NUDT14: variants seen among roughly 807,000 people sequenced by gnomAD.
The protein encoded by NUDT14 is nudix hydrolase 14, also known as uridine diphosphate glucose pyrophosphatase NUDT14.
A neutral mutation model predicts 17.5 loss-of-function variants in NUDT14; 22 were observed. The observed-to-expected ratio is 1.26, with a 90% CI of 0.90 to 1.80. The LOEUF (loss-of-function observed/expected upper bound fraction) is 1.80, where lower values mean the gene tolerates loss of function less well. Ranked by LOEUF, NUDT14 falls within the 40% of genes most tolerant of loss-of-function variation. The pLI, the probability that NUDT14 is intolerant of heterozygous loss-of-function variation, is 0.00. For missense variants in NUDT14, 296 were observed against 295.6 expected, an observed-to-expected ratio of 1.00 and a Z score of -0.01; for synonymous variants, 129 against 125.8, an observed-to-expected ratio of 1.03 and a Z score of -0.17.
intron 4 of NUDT14, among the ~76,000 whole-genome samples, chr14:105,174,922 A>G (rs1044109277): frequency 6.6e-6 from 1 of 152,166 alleles, no homozygotes; most frequent in African/African-American, 2.4e-5. Flanking sequence ...GGGTGGGTGA[A>G]CTTTGCTGTC....
Position 105,176,947 on chromosome 14 carries a change from C to T in NUDT14, c.190+16G>A. The T allele has an allele frequency of 6.2e-7, 1 of 1,610,656 alleles. No individual in the cohort carries two copies. The highest frequency in any genetic ancestry group is 8.5e-7 in the Non-Finnish European group (1 of 1,178,912). On this transcript the variant is annotated intron_variant, in intron 3 of 4. Coordinates refer to ENST00000392568, the MANE Select transcript of NUDT14 (RefSeq NM_177533.5). ...GGTGACCCTGCAGATCCCCTTCCCA[C>T]CCCAGCTGGCCTCACCTGGCCGGAA...
intron 4 of NUDT14, 67 bp downstream of exon 4, chr14:105,176,467 G>C: frequency 7.8e-7 from 1 of 1,285,616 alleles, no homozygotes; most frequent in Non-Finnish European, 1.1e-6. Flanking sequence ...CACTCCCAGG[G>C]ACGGGGCCCT....
At chr14:105,179,497 C>T (rs1486848643) in intron 1 of NUDT14, among the ~76,000 whole-genome samples, 2 of 152,344 alleles carry the variant, frequency 1.3e-5, no homozygotes, top group East Asian at 1.9e-4. Context: ...AGAGCTGTGC[C>T]GGCGGGCTGC....
Position 105,181,119 on chromosome 14 carries a change from G to T in NUDT14, c.81+10C>A. 2 of 1,029,926 alleles carry T rather than the reference G, an allele frequency of 1.9e-6. No individual in the cohort carries two copies. Among genetic ancestry groups the T allele is most frequent in the Non-Finnish European group, 2.4e-6 (2 of 849,174 alleles). The allele number at this position is 1,029,926 out of a possible 1,614,324, so 63.8% of individuals were successfully genotyped here. On this transcript the variant is annotated intron_variant, in intron 1 of 4. Transcript: ENST00000392568. The surrounding 1 kb of genome is among the most constrained non-coding windows in gnomAD (Gnocchi z 5.0). ...GCGGGGGCGCGGGGGACGCGGGGGC[G>T]CGGGCTCACCTGGCGGTAATGCAGC... is the stretch of plus-strand genomic sequence containing the variant.
chr14:105,175,753 T>C, intron 4 of NUDT14: 1 of 1,006,420 alleles, frequency 9.9e-7, no homozygotes, highest in Non-Finnish European at 1.2e-6. Context: ...GCCAGGAACG[T>C]GCCCAGGTGA....
chr14:105,174,652 T>C (rs1401334301), intron 4 of NUDT14, among the ~76,000 whole-genome samples: 1 of 152,076 alleles, frequency 6.6e-6, no homozygotes, highest in Non-Finnish European at 1.5e-5. Flanking sequence ...CGGCTGCGCC[T>C]CTGAGGGAAG....
At chr14:105,177,154 C>A in intron 2 of NUDT14, 127 bp from the exon 3 acceptor site, 2 of 851,198 alleles carry the variant, frequency 2.3e-6, no homozygotes, top group Non-Finnish European at 1.9e-6. Context: ...AGGTCAGGCC[C>A]CTTGCTCAGA....
rs1031550277 is a variant in NUDT14, at chr14:105,177,802, G to T, written c.82-67C>A. The T allele has an allele frequency of 5.3e-6, 8 of 1,500,080 alleles. No individual in the cohort carries two copies. The African/African-American group carries it at 1.1e-4, about 21-fold the overall frequency. 92.9% of individuals were successfully genotyped at this position (1,500,080 alleles called of 1,614,324 possible). A position where few individuals can be genotyped will look rare whatever the true frequency, so the allele number is the denominator to read the frequency against. Reference sequence around the variant, plus strand: ...CGGAGGTGCTCGGGGAACCGAGGAGGCCACAGACCCATTGCACCCACTCCT... The same window carrying T: ...CGGAGGTGCTCGGGGAACCGAGGAGTCCACAGACCCATTGCACCCACTCCT... On this transcript the variant is annotated intron_variant, in intron 1 of 4. Transcript: ENST00000392568.
At chr14:105,177,904 C>T (rs1018304442) in intron 1 of NUDT14, 169 bp from the exon 2 acceptor site, 27 of 617,266 alleles carry the variant, frequency 4.4e-5, no homozygotes, top group Admixed American at 1.2e-4. Context: ...GAGCAAGCAG[C>T]CTGGGAGGGG....
rs1348066453 is a variant in NUDT14 at position 105,173,374 on chromosome 14, T to C, written c.429-113A>G. 1.6e-6 allele frequency: 2 copies of C among 1,221,222 alleles called. No individual in the cohort carries two copies. Among genetic ancestry groups the C allele is most frequent in the Non-Finnish European group, 2.1e-6 (2 of 944,106 alleles). The allele number at this position is 1,221,222 out of a possible 1,614,324, so 75.6% of individuals were successfully genotyped here. ...CACTCTGCTCCCTCCAGCCCTCCAGTAGGCAGGACTCTGGGATGCCCTCTC... is the reference window on the plus strand; with the variant it reads ...CACTCTGCTCCCTCCAGCCCTCCAGCAGGCAGGACTCTGGGATGCCCTCTC... On this transcript the variant is annotated intron_variant, in intron 4 of 4. Transcript: ENST00000392568. This position sits in a 1 kb window ranked among gnomAD's most constrained non-coding sequence, Gnocchi z 4.7.
chr14:105,173,284 C>G lies in NUDT14; in HGVS notation c.429-23G>C. The G allele has an allele frequency of 2.0e-6, 3 of 1,491,802 alleles. No homozygotes were observed. Among genetic ancestry groups the G allele is most frequent in the Non-Finnish European group, 2.7e-6 (3 of 1,120,362 alleles). The allele number at this position is 1,491,802 out of a possible 1,614,324, so 92.4% of individuals were successfully genotyped here. A position where few individuals can be genotyped will look rare whatever the true frequency, so the allele number is the denominator to read the frequency against. On this transcript the variant is annotated intron_variant, in intron 4 of 4. Coordinates refer to ENST00000392568, the MANE Select transcript of NUDT14 (RefSeq NM_177533.5). The surrounding 1 kb of genome is among the most constrained non-coding windows in gnomAD (Gnocchi z 4.7). ...GACCTACGGGTTGAGACAGGGTCTG[C>G]TGAGTCACCCACGCTGGCCCCGCTG...
intron 4 of NUDT14, 129 bp downstream of exon 4, chr14:105,176,405 A>T (rs912159497): frequency 8.5e-6 from 7 of 823,214 alleles, no homozygotes; most frequent in Non-Finnish European, 1.4e-5. Flanking sequence ...ATTCGGTCCA[A>T]CCCTCCCCTA....
At chr14:105,178,622 G>A (rs1449702150) in intron 1 of NUDT14, among the ~76,000 whole-genome samples, 3 of 152,130 alleles carry the variant, frequency 2.0e-5, no homozygotes, top group African/African-American at 4.8e-5. Flanking sequence ...TCCCATCTCC[G>A]GCACGCTCAG....
At chr14:105,180,179 C>G (rs1396549863) in intron 1 of NUDT14, among the ~76,000 whole-genome samples, 2 of 152,200 alleles carry the variant, frequency 1.3e-5, no homozygotes, top group Non-Finnish European at 2.9e-5. Flanking sequence ...GGCAGCAGCT[C>G]CTTCACCCAA....
rs587648171 is a variant in NUDT14 at position 105,178,865 on chromosome 14, G to T, written c.82-1130C>A. ...CCTCTGAGCTTGGCCGGGAGGCAAA[G>T]GCGTCCTGGGAGGAGAGTACCGGTT... On this transcript the variant is annotated intron_variant, in intron 1 of 4. Coordinates refer to ENST00000392568, the MANE Select transcript of NUDT14 (RefSeq NM_177533.5). Among the ~76,000 whole-genome samples, 38 of 152,310 alleles carry T rather than the reference G, an allele frequency of 2.5e-4. No homozygotes were observed. The South Asian group carries it at 7.9e-3, about 32-fold the overall frequency.
intron 1 of NUDT14, among the ~76,000 whole-genome samples, chr14:105,180,491 C>T (rs1479894090): frequency 1.3e-5 from 2 of 152,172 alleles, no homozygotes; most frequent in African/African-American, 4.8e-5. Flanking sequence ...CAAAATATTC[C>T]TTGTGAACCT....
chr14:105,181,262 C>T lies in NUDT14; in HGVS notation c.-53G>A, dbSNP rs1489842199. Reference sequence around the variant, plus strand: ...GAGCTCTGCGGGGGCCGACACGGGGCGGCGCCCTGTCCCGACAGGAGCCTT... The same window carrying T: ...GAGCTCTGCGGGGGCCGACACGGGGTGGCGCCCTGTCCCGACAGGAGCCTT... On this transcript the variant is annotated 5_prime_UTR_variant, in exon 1 of 5. Transcript: ENST00000392568. The surrounding 1 kb of genome is among the most constrained non-coding windows in gnomAD (Gnocchi z 5.0). 19 of 695,738 alleles carry T rather than the reference C, an allele frequency of 2.7e-5. No homozygotes were observed. Among genetic ancestry groups the T allele is most frequent in the East Asian group, 6.8e-5 (1 of 14,628 alleles). The allele number at this position is 695,738 out of a possible 1,614,324, so 43.1% of individuals were successfully genotyped here. A position where few individuals can be genotyped will look rare whatever the true frequency, so the allele number is the denominator to read the frequency against.
Position 105,173,253 on chromosome 14 carries a change from A to G in NUDT14, c.437T>C (p.Val146Ala). ...LRRVATYWSG[V>A]GLTGSRQTMF... ...GGTCTGTCTGGAGCCAGTCAGTCCCACTCCAGACCTACGGGTTGAGACAGG... is the reference window on the plus strand; with the variant it reads ...GGTCTGTCTGGAGCCAGTCAGTCCCGCTCCAGACCTACGGGTTGAGACAGG... The change falls in exon 5 of 5, where the codon GTG becomes GCG. Residue 146 changes from valine to alanine, a missense_variant. Coordinates refer to ENST00000392568, the MANE Select transcript of NUDT14 (RefSeq NM_177533.5). The surrounding 1 kb of genome is among the most constrained non-coding windows in gnomAD (Gnocchi z 4.7). 6.5e-7 allele frequency: 1 copy of G among 1,543,538 alleles called. No individual in the cohort carries two copies.
chr14:105,178,390 C>T (rs928273392), intron 1 of NUDT14, among the ~76,000 whole-genome samples: 8 of 152,126 alleles, frequency 5.3e-5, no homozygotes, highest in Non-Finnish European at 1.2e-4. Context: ...CTCGACTCTC[C>T]CACATACCCT....
Sources: gnomAD v4.1 joint callset for allele counts (sites outside exome capture counted in the v4.1 genomes callset) on GRCh38, gnomAD v4.1.1 for gene constraint, Gnocchi (gnomAD v3.1) non-coding constraint, MANE v1.5 for transcripts, NCBI Gene and HGNC (gene_info 2026-07-23, HGNC 2026-07-21) for gene names.